Variants in LIPI observed in about 807,000 individuals in gnomAD.
LIPI encodes the protein lipase I, also known as lipase member I.
LIPI carries 59 observed loss-of-function variants against 50.6 expected under a neutral mutation model. The ratio of observed to expected loss-of-function variants is 1.16; its 90% confidence interval spans 0.94 to 1.45. LIPI has a LOEUF of 1.45. LIPI is among the 40% of genes most tolerant of loss of function. LIPI has a pLI of 0.00. For missense variants in LIPI, 586 were observed against 536.3 expected (o/e 1.09, Z -0.92); for synonymous variants, 203 against 178.2 (o/e 1.14, Z -1.11).
chr21:14,132,017 CA>C (rs1868345367), intron 9 of LIPI, among the ~76,000 whole-genome samples: 1 of 151,954 alleles, frequency 6.6e-6, no homozygotes, highest in African/African-American at 2.4e-5. Context: ...TCCAGTCGGG[CA>C]AAAAACAAGC....
intron 9 of LIPI, chr21:14,143,596 G>A (rs559105233): frequency 6.6e-6 from 1 of 152,106 alleles, no homozygotes; most frequent in East Asian, 1.9e-4. Flanking sequence ...AAATAAAGAG[G>A]AAGCACCACA....
chr21:14,124,172 C>T (rs547527015), intron 9 of LIPI, among the ~76,000 whole-genome samples: 62 of 151,996 alleles, frequency 4.1e-4, no homozygotes, highest in African/African-American at 1.1e-3. Flanking sequence ...AATAGTGGAC[C>T]GAAAAACTAC....
chr21:14,206,410 C>T (rs2020226533), intron 1 of LIPI, among the ~76,000 whole-genome samples: 1 of 152,048 alleles, frequency 6.6e-6, no homozygotes, highest in African/African-American at 2.4e-5. Flanking sequence ...ATAAGTTTGT[C>T]TTGCAATTTT....
In LIPI at chr21:14,124,852, G is replaced by A. The variant is rs759328037; in HGVS notation, c.1296-15772C>T. On this transcript the variant is annotated intron_variant, in intron 9 of 9. Coordinates refer to ENST00000681601, the MANE Select transcript of LIPI (RefSeq NM_001302998.2). Reference sequence around the variant, plus strand: ...CTAAAAATACAAAAATTAGCCAGGCGTGGTGGCACGCACATGCCTGTAATC... The same window carrying A: ...CTAAAAATACAAAAATTAGCCAGGCATGGTGGCACGCACATGCCTGTAATC... 7.9e-5 allele frequency among the ~76,000 whole-genome samples: 12 copies of A among 152,106 alleles called. No individual in the cohort carries two copies. The East Asian group carries it at 1.2e-3, about 15-fold the overall frequency.
At chr21:14,176,800 T>A (rs547045831) in intron 4 of LIPI, among the ~76,000 whole-genome samples, 219 of 151,436 alleles carry the variant, frequency 1.4e-3, no homozygotes, top group African/African-American at 5.1e-3. Flanking sequence ...TTTATTATTA[T>A]TATTATACTT....
chr21:14,121,147 T>G (rs1187406686), intron 9 of LIPI, among the ~76,000 whole-genome samples: 1 of 152,230 alleles, frequency 6.6e-6, no homozygotes, highest in Non-Finnish European at 1.5e-5. Context: ...GATATTATTC[T>G]TAGATTTAGA....
rs539855459 is a variant in LIPI, at chr21:14,181,836, A to C, written c.565T>G (p.Phe189Val). 3.0e-5 allele frequency: 48 copies of C among 1,611,568 alleles called. No homozygotes were observed. Among genetic ancestry groups the C allele is most frequent in the Non-Finnish European group, 3.6e-5 (43 of 1,178,238 alleles). Residue 189 changes from phenylalanine to valine, a missense_variant, in exon 4 of 10, where the codon TTC (phenylalanine) becomes GTC (valine). Phe to Val is a conservative substitution (Grantham distance 50). Transcript: ENST00000681601. ...ITGLDPAGPR[F>V]SRKPPYSRLD... ...CTGCTATATGGTGGTTTTCTGGAGA[A>C]CCTTGGCCCAGCAGGGTCAAGACCT... is the stretch of plus-strand genomic sequence containing the variant.
At chr21:14,130,712 A>T (rs1471535500) in intron 9 of LIPI, among the ~76,000 whole-genome samples, 1 of 152,136 alleles carries the variant, frequency 6.6e-6, no homozygotes, top group Admixed American at 6.5e-5. Context: ...CAGAGGAGGG[A>T]TGGAGAGATC....
chr21:14,144,746 T>C lies in LIPI; in HGVS notation c.1172A>G (p.Tyr391Cys), dbSNP rs1332813131. 1.3e-6 allele frequency: 2 copies of C among 1,585,008 alleles called. No homozygotes were observed. Among genetic ancestry groups the C allele is most frequent in the South Asian group, 1.1e-5 (1 of 90,268 alleles). The change falls in exon 9 of 10, where the codon TAT becomes TGT. Residue 391 changes from tyrosine (Y) to cysteine (C), a missense_variant. Tyr to Cys is a radical substitution (Grantham distance 194). Transcript: ENST00000681601. The stretch of plus-strand genomic sequence containing the variant: ...GCTTGAAATATTTACAAAGTCATTA[T>C]AAAATTGAGCAAGAATCTTGACTTC... ...LQEVKILAQF[Y>C]NDFVNISSIG...
intron 9 of LIPI, among the ~76,000 whole-genome samples, chr21:14,114,667 C>T (rs767559342): frequency 6.6e-5 from 10 of 152,224 alleles, no homozygotes; most frequent in South Asian, 2.1e-4. Context: ...ATAAGGTTGG[C>T]GGTCTTTGGT....
chr21:14,133,447 A>G (rs2123008882), intron 9 of LIPI, among the ~76,000 whole-genome samples: 1 of 152,376 alleles, frequency 6.6e-6, no homozygotes, highest in East Asian at 1.9e-4. Flanking sequence ...AAAAATTCTC[A>G]ACAAACTAGA....
At chr21:14,183,919 G>T (rs138764131) in intron 3 of LIPI, among the ~76,000 whole-genome samples, 20,912 of 152,126 alleles carry the variant, frequency 0.14, 1,874 homozygotes, top group Non-Finnish European at 0.2. Context: ...TCAGTGTGGC[G>T]ATTCCTCAGG....
intron 1 of LIPI, among the ~76,000 whole-genome samples, chr21:14,202,008 GT>G (rs1185637879): frequency 6.6e-6 from 1 of 152,088 alleles, no homozygotes; most frequent in African/African-American, 2.4e-5. Flanking sequence ...CAAAATCAAT[GT>G]GCAAAAATCA....
intron 3 of LIPI, among the ~76,000 whole-genome samples, chr21:14,182,508 C>T (rs2019308436): frequency 6.6e-6 from 1 of 152,064 alleles, no homozygotes; most frequent in Non-Finnish European, 1.5e-5. Context: ...TTGAGAACAT[C>T]TATACAATGA....
At chr21:14,116,519 G>C (rs1181764138) in intron 9 of LIPI, among the ~76,000 whole-genome samples, 1 of 152,174 alleles carries the variant, frequency 6.6e-6, no homozygotes, top group Non-Finnish European at 1.5e-5. Flanking sequence ...GTATGTTGAA[G>C]AACTTTAAGA....
At chr21:14,209,489 AG>A (rs1478136996) in intron 1 of LIPI, among the ~76,000 whole-genome samples, 2 of 152,192 alleles carry the variant, frequency 1.3e-5, no homozygotes, top group Non-Finnish European at 2.9e-5. Flanking sequence ...AAGGAAAATG[AG>A]AGAATGCATA....
chr21:14,142,380 TAA>T (rs2017742020), intron 9 of LIPI, among the ~76,000 whole-genome samples: 1 of 151,264 alleles, frequency 6.6e-6, no homozygotes, highest in Non-Finnish European at 1.5e-5. Flanking sequence ...CTAAAGGAAA[TAA>T]ACAAAAATGT....
chr21:14,137,348 A>G (rs1305258188), intron 9 of LIPI, among the ~76,000 whole-genome samples: 1 of 152,230 alleles, frequency 6.6e-6, no homozygotes, highest in Non-Finnish European at 1.5e-5. Flanking sequence ...TAACACAGAG[A>G]AGGAATTCAG....
intron 1 of LIPI, among the ~76,000 whole-genome samples, chr21:14,209,178 T>C (rs2020301599): frequency 1.3e-5 from 2 of 152,232 alleles, no homozygotes; most frequent in African/African-American, 4.8e-5. Context: ...AATTTGAATA[T>C]ACAGATACAT....
Sources: allele counts gnomAD v4.1 joint callset (sites outside exome capture counted in the v4.1 genomes callset), GRCh38; gene constraint gnomAD v4.1.1; transcripts MANE v1.5; gene names NCBI Gene and HGNC (gene_info 2026-07-23, HGNC 2026-07-21).